PPP1R12B: variants seen among roughly 807,000 people sequenced by gnomAD.
PPP1R12B encodes the protein protein phosphatase 1 regulatory subunit 12B.
In PPP1R12B, 76 loss-of-function variants were observed where a neutral mutation model predicts 126.1. The ratio of observed to expected loss-of-function variants is 0.60; its 90% confidence interval spans 0.50 to 0.73. PPP1R12B has a LOEUF of 0.73. Among genes scored for constraint, PPP1R12B ranks in the 30% least tolerant of loss-of-function variants. The pLI, the probability that PPP1R12B is intolerant of heterozygous loss-of-function variation, is 0.00. For missense variants in PPP1R12B, 1,052 were observed against 1,205.1 expected (o/e 0.87, Z 1.88); for synonymous variants, 356 against 434.7 (o/e 0.82, Z 2.25).
intron 13 of PPP1R12B, among the ~76,000 whole-genome samples, chr1:202,474,524 C>T (rs1047241686): frequency 5.3e-5 from 8 of 152,056 alleles, no homozygotes; most frequent in African/African-American, 1.9e-4. Flanking sequence ...GTAATCTGCC[C>T]GCCTCGGCCT....
At chr1:202,450,114 A>G (rs903004985) in intron 13 of PPP1R12B, among the ~76,000 whole-genome samples, 1 of 152,252 alleles carries the variant, frequency 6.6e-6, no homozygotes, top group Non-Finnish European at 1.5e-5. Flanking sequence ...TTTGTTATGG[A>G]TAGTCTACGT....
At chr1:202,564,309 T>TC (rs1214454127) in intron 20 of PPP1R12B, 134 bp from the exon 21 acceptor site, 1 of 570,522 alleles carries the variant, frequency 1.8e-6, no homozygotes, top group Non-Finnish European at 3.1e-6. Flanking sequence ...TGTACTCTGC[T>TC]CCCTACCCTT....
intron 1 of PPP1R12B, among the ~76,000 whole-genome samples, chr1:202,414,852 A>T (rs1353610978): frequency 2.6e-5 from 4 of 152,140 alleles, no homozygotes; most frequent in Admixed American, 6.5e-5. Context: ...CAGTGATCAC[A>T]GCTCACTGCA....
chr1:202,429,816 T>C (rs1445234080), intron 6 of PPP1R12B, among the ~76,000 whole-genome samples: 1 of 152,190 alleles, frequency 6.6e-6, no homozygotes, highest in Non-Finnish European at 1.5e-5. Flanking sequence ...ATCAAAGAAC[T>C]ATATAGCTCA....
At chr1:202,403,741 G>C (rs1666176861) in intron 1 of PPP1R12B, among the ~76,000 whole-genome samples, 1 of 152,218 alleles carries the variant, frequency 6.6e-6, no homozygotes, top group African/African-American at 2.4e-5. Flanking sequence ...TAGGCTTTAA[G>C]AGAAATTAGC....
intron 22 of PPP1R12B, among the ~76,000 whole-genome samples, chr1:202,568,122 C>T (rs1452063449): frequency 6.6e-6 from 1 of 151,942 alleles, no homozygotes. Context: ...GGCAGAACTG[C>T]ATACACACAC....
At chr1:202,462,576 A>G (rs1479685284) in intron 13 of PPP1R12B, among the ~76,000 whole-genome samples, 1 of 152,186 alleles carries the variant, frequency 6.6e-6, no homozygotes, top group Non-Finnish European at 1.5e-5. Flanking sequence ...ACCTGCTACT[A>G]AAAGCCCTTA....
At position 202,586,795 on chromosome 1, in the gene PPP1R12B, T is replaced by A. The variant is rs909431856; in HGVS notation, c.*6235T>A. ...AGCCCTCCTTCGGGAGAACTGTAAG[T>A]AAGAGGTGGGTGTGTCTAAAGACAA... On this transcript the variant is annotated 3_prime_UTR_variant, in exon 24 of 24. Transcript: ENST00000608999. 7 of 152,172 alleles carry A rather than the reference T, an allele frequency of 4.6e-5. No homozygotes were observed. Among genetic ancestry groups the A allele is most frequent in the East Asian group, 1.9e-4 (1 of 5,190 alleles). 9.4% of individuals were successfully genotyped at this position (152,172 alleles called of 1,614,324 possible). A position where few individuals can be genotyped will look rare whatever the true frequency, so the allele number is the denominator to read the frequency against.
intron 1 of PPP1R12B, among the ~76,000 whole-genome samples, chr1:202,393,973 A>G (rs1237303820): frequency 1.3e-5 from 2 of 152,252 alleles, no homozygotes; most frequent in African/African-American, 2.4e-5. Context: ...AGAACATTCT[A>G]TAAGAATATT....
At chr1:202,569,784 C>T (rs1688418970) in intron 23 of PPP1R12B, among the ~76,000 whole-genome samples, 1 of 152,236 alleles carries the variant, frequency 6.6e-6, no homozygotes, top group African/African-American at 2.4e-5. Flanking sequence ...ATACACTTCA[C>T]AGCTCACTAC....
chr1:202,578,357 C>T (rs924486875), intron 23 of PPP1R12B, among the ~76,000 whole-genome samples: 4 of 152,184 alleles, frequency 2.6e-5, no homozygotes, highest in African/African-American at 9.7e-5. Context: ...TTTCGTCTCA[C>T]TTATACCCAA....
intron 18 of PPP1R12B, among the ~76,000 whole-genome samples, chr1:202,549,512 C>T (rs1406366948): frequency 5.9e-5 from 9 of 151,662 alleles, no homozygotes; most frequent in East Asian, 1.9e-4. Context: ...CTCTGCCTTC[C>T]GGATTCATGC....
At chr1:202,355,291 T>C (rs1389925287) in intron 1 of PPP1R12B, among the ~76,000 whole-genome samples, 1 of 152,308 alleles carries the variant, frequency 6.6e-6, no homozygotes, top group African/African-American at 2.4e-5. Flanking sequence ...AGATTGTAAG[T>C]CTGTACTAGA....
At chr1:202,356,105 C>T (rs1209553983) in intron 1 of PPP1R12B, among the ~76,000 whole-genome samples, 1 of 152,058 alleles carries the variant, frequency 6.6e-6, no homozygotes, top group East Asian at 1.9e-4. Context: ...CACTTGAGCC[C>T]AGGAGGTTGA....
chr1:202,431,500 A>G lies in PPP1R12B; in HGVS notation c.1022A>G (p.Glu341Gly), dbSNP rs533507195. The G allele has an allele frequency of 1.4e-5, 23 of 1,608,658 alleles. No individual in the cohort carries two copies. The African/African-American group carries it at 3.0e-4, about 21-fold the overall frequency. Residue 341 changes from glutamate to glycine, a missense_variant, in exon 8 of 24, where the codon GAG (glutamate) becomes GGG (glycine). Physicochemically the swap from Glu to Gly is moderately conservative, Grantham distance 98 (BLOSUM62 -2). Transcript: ENST00000608999. Reference sequence around the variant, plus strand: ...TTTAGCAAAGAGAAGATGCTCTATGAGGAGGAGACACCTAAGTCCCAAGAA... The same window carrying G: ...TTTAGCAAAGAGAAGATGCTCTATGGGGAGGAGACACCTAAGTCCCAAGAA... ...FFKNKEKMLY[E>G]EETPKSQEME...
chr1:202,453,072 A>T (rs368869364), intron 13 of PPP1R12B, among the ~76,000 whole-genome samples: 2 of 152,306 alleles, frequency 1.3e-5, no homozygotes, highest in East Asian at 3.9e-4. Flanking sequence ...CTTAGAGGAA[A>T]GGCTTTCAGT....
intron 1 of PPP1R12B, among the ~76,000 whole-genome samples, chr1:202,390,014 A>T (rs924175145): frequency 7.2e-5 from 11 of 152,068 alleles, no homozygotes; most frequent in African/African-American, 2.2e-4. Flanking sequence ...AAGTAGGAAG[A>T]CTCACACTTC....
At chr1:202,422,444 C>G (rs1327751759) in intron 2 of PPP1R12B, among the ~76,000 whole-genome samples, 176 bp from the exon 3 acceptor site, 1 of 152,112 alleles carries the variant, frequency 6.6e-6, no homozygotes, top group Non-Finnish European at 1.5e-5. Flanking sequence ...AATGGGGAAG[C>G]CTTCAGTCTT....
At chr1:202,438,937 G>A (rs1290834803) in intron 10 of PPP1R12B, 37 of 1,534,014 alleles carry the variant, frequency 2.4e-5, no homozygotes, top group East Asian at 2.3e-5. Flanking sequence ...CCCCGAAGAC[G>A]GCCGTGGACT....
Sources: gnomAD v4.1 joint callset for allele counts (sites outside exome capture counted in the v4.1 genomes callset) on GRCh38, gnomAD v4.1.1 for gene constraint, MANE v1.5 for transcripts, NCBI Gene and HGNC (gene_info 2026-07-23, HGNC 2026-07-21) for gene names.